The following GPATCH8 variants were observed in gnomAD, a reference collection of about 807,000 sequenced individuals.
The protein encoded by GPATCH8 is G patch domain-containing protein 8.
Under a neutral mutation model 118.3 loss-of-function variants are expected in GPATCH8, and 18 were observed. The observed-to-expected ratio is 0.15, with a 90% CI of 0.11 to 0.23. The LOEUF is 0.23. Among genes scored for constraint, GPATCH8 ranks in the 10% least tolerant of loss-of-function variants. GPATCH8 has a pLI of 1.00. For synonymous variants in GPATCH8, 659 were observed against 684.7 expected, an observed-to-expected ratio of 0.96 and a Z score of 0.59; for missense variants, 1,631 against 1,873.8, an observed-to-expected ratio of 0.87 and a Z score of 2.39.
chr17:44,406,923 GC>G (rs1293266510), intron 6 of GPATCH8, among the ~76,000 whole-genome samples: 2 of 152,160 alleles, frequency 1.3e-5, no homozygotes, highest in African/African-American at 4.8e-5. Flanking sequence ...ATATCTATCT[GC>G]AATGAAGACA....
chr17:44,450,557 G>A (rs1185409623), intron 3 of GPATCH8, among the ~76,000 whole-genome samples: 2 of 147,866 alleles, frequency 1.4e-5, no homozygotes, highest in African/African-American at 5.0e-5. Flanking sequence ...AGGAAATACT[G>A]GATTTAAAAC....
intron 1 of GPATCH8, among the ~76,000 whole-genome samples, chr17:44,483,177 ATATATATAT>A (rs1210927792): frequency 4.6e-3 from 32 of 6,960 alleles, no homozygotes; most frequent in African/African-American, 6.5e-3. Flanking sequence ...AAAAAAAAAA[ATATATATAT>A]ATATATATAT....
intron 2 of GPATCH8, chr17:44,465,052 C>T (rs2051706925): frequency 6.6e-6 from 1 of 150,566 alleles, no homozygotes; most frequent in African/African-American, 2.5e-5. Flanking sequence ...AATGAAAAAA[C>T]AATCAGAGCA....
intron 5 of GPATCH8, among the ~76,000 whole-genome samples, chr17:44,427,688 T>C (rs2050138349): frequency 6.6e-6 from 1 of 152,066 alleles, no homozygotes; most frequent in African/African-American, 2.4e-5. Context: ...TATTAAGTAA[T>C]AGAAGTAGTG....
chr17:44,502,007 T>C (rs1329252833), intron 1 of GPATCH8, among the ~76,000 whole-genome samples: 2 of 152,152 alleles, frequency 1.3e-5, no homozygotes, highest in East Asian at 1.9e-4. Context: ...ATCTGCATTA[T>C]ATCCTTAGAA....
Position 44,398,660 on chromosome 17 carries a change from A to C in GPATCH8, c.3417T>G (p.Leu1139=), listed in dbSNP as rs762221450. Residue 1139 remains leucine (L), a synonymous_variant, in exon 8 of 8, where the codon CTT becomes CTG. Coordinates refer to ENST00000591680, the MANE Select transcript of GPATCH8 (RefSeq NM_001002909.4). The part of the protein sequence containing the change: ...GYFGPKLPPS[L]GNKPVLPLIG... ...TCAGTGGAAGGACAGGCTTATTGCC[A>C]AGAGATGGGGGGAGCTTGGGCCCAA... 3.8e-6 allele frequency: 6 copies of C among 1,562,538 alleles called. No homozygotes were observed. Among genetic ancestry groups the C allele is most frequent in the Non-Finnish European group, 4.3e-6 (5 of 1,154,972 alleles).
intron 1 of GPATCH8, among the ~76,000 whole-genome samples, chr17:44,502,547 G>A (rs987538602): frequency 1.3e-5 from 2 of 151,990 alleles, no homozygotes; most frequent in African/African-American, 4.8e-5. Flanking sequence ...CCATCGTAAG[G>A]GCATTTTTCC....
intron 1 of GPATCH8, among the ~76,000 whole-genome samples, chr17:44,498,942 G>A (rs1246322917): frequency 6.6e-6 from 1 of 152,080 alleles, no homozygotes; most frequent in Non-Finnish European, 1.5e-5. Context: ...TTTCCTAAGG[G>A]TCACATACTG....
intron 6 of GPATCH8, among the ~76,000 whole-genome samples, chr17:44,413,088 G>A (rs1332495261): frequency 6.6e-6 from 1 of 152,162 alleles, no homozygotes; most frequent in Non-Finnish European, 1.5e-5. Context: ...TGAATGGTTA[G>A]GGAAAGCCAC....
rs373237070 is a variant in GPATCH8 at position 44,406,139 on chromosome 17, A to C, written c.493-88T>G. On this transcript the variant is annotated intron_variant, in intron 6 of 7. Transcript: ENST00000591680. The stretch of plus-strand genomic sequence containing the variant: ...GCAAAGCCTTTAGGACATGACCCTC[A>C]ACCAACAGTCATGGTATTAGTGTTG... The C allele has an allele frequency of 3.1e-4, 281 of 916,930 alleles. 2 individuals are homozygous for C. In the East Asian group the frequency reaches 3.9e-3, roughly 13 times the overall value. 56.8% of individuals were successfully genotyped at this position (916,930 alleles called of 1,614,324 possible).
intron 5 of GPATCH8, among the ~76,000 whole-genome samples, chr17:44,433,004 G>C (rs997808312): frequency 6.6e-6 from 1 of 151,924 alleles, no homozygotes; most frequent in Non-Finnish European, 1.5e-5. Context: ...CCAACACCTA[G>C]CTATTTTTTT....
At chr17:44,437,211 G>A (rs1364920022) in intron 3 of GPATCH8, among the ~76,000 whole-genome samples, 5 of 152,156 alleles carry the variant, frequency 3.3e-5, no homozygotes, top group Non-Finnish European at 5.9e-5. Context: ...CCATTTCCTA[G>A]AGTGGATTTA....
intron 3 of GPATCH8, among the ~76,000 whole-genome samples, chr17:44,441,791 G>A (rs1437111295): frequency 1.3e-5 from 2 of 151,692 alleles, no homozygotes; most frequent in Non-Finnish European, 2.9e-5. Context: ...CAATTTGGGA[G>A]GCCGAGGCGG....
At position 44,435,158 on chromosome 17, in the gene GPATCH8, A is replaced by C; in HGVS notation, c.262-7T>G. ...CATCTTCAGCATAATCAAGCTTGAC[A>C]AAAATAGATATGATTAGATTTAATT... On this transcript the variant is annotated splice_region_variant and splice_polypyrimidine_tract_variant and intron_variant, in intron 4 of 7. Coordinates refer to ENST00000591680, the MANE Select transcript of GPATCH8 (RefSeq NM_001002909.4). The C allele has an allele frequency of 7.7e-7, 1 of 1,295,872 alleles. No individual in the cohort carries two copies. Among genetic ancestry groups the C allele is most frequent in the South Asian group, 1.2e-5 (1 of 84,658 alleles). 80.3% of individuals were successfully genotyped at this position (1,295,872 alleles called of 1,614,324 possible). A position where few individuals can be genotyped will look rare whatever the true frequency, so the allele number is the denominator to read the frequency against.
intron 1 of GPATCH8, among the ~76,000 whole-genome samples, chr17:44,494,625 T>C (rs182847599): frequency 3.0e-4 from 46 of 152,316 alleles, no homozygotes; most frequent in Non-Finnish European, 1.6e-4. Flanking sequence ...TGGTCCATTA[T>C]TGTAATCACT....
At chr17:44,426,846 ACACT>A (rs1210973480) in intron 5 of GPATCH8, among the ~76,000 whole-genome samples, 8,876 of 145,606 alleles carry the variant, frequency 0.061, 737 homozygotes, top group African/African-American at 0.21. Context: ...ACACACACAC[ACACT>A]CTCTCTCTCT....
At chr17:44,408,434 G>A (rs576477768) in intron 6 of GPATCH8, among the ~76,000 whole-genome samples, 202 of 152,168 alleles carry the variant, frequency 1.3e-3, no homozygotes, top group African/African-American at 4.4e-3. Flanking sequence ...TGATCCGCCC[G>A]CCTCGGCTTC....
chr17:44,416,956 G>A (rs996079399), intron 6 of GPATCH8, among the ~76,000 whole-genome samples: 15 of 152,080 alleles, frequency 9.9e-5, no homozygotes, highest in Non-Finnish European at 1.8e-4. Context: ...TCATACTACA[G>A]GTATTTTAGC....
rs1970029521 is a variant in GPATCH8, at chr17:44,501,140, C to A, written c.45+2186G>T. Among the ~76,000 whole-genome samples, 5 of 152,142 alleles carry A rather than the reference C, an allele frequency of 3.3e-5. No individual in the cohort carries two copies. The South Asian group carries it at 8.3e-4, about 25-fold the overall frequency. On this transcript the variant is annotated intron_variant, in intron 1 of 7. Coordinates refer to ENST00000591680, the MANE Select transcript of GPATCH8 (RefSeq NM_001002909.4). ...GAATTTTAAAAACCAACATTTTCGG[C>A]CAGGCGCGATGGCTCACACCTGTAA...
Sources: allele counts gnomAD v4.1 joint callset (sites outside exome capture counted in the v4.1 genomes callset), GRCh38; gene constraint gnomAD v4.1.1; transcripts MANE v1.5; gene names NCBI Gene and HGNC (gene_info 2026-07-23, HGNC 2026-07-21).